The following KCNC2 variants were observed in gnomAD, a reference collection of about 807,000 sequenced individuals.
The protein encoded by KCNC2 is voltage-gated potassium channel KCNC2.
Under a neutral mutation model 44.5 loss-of-function variants are expected in KCNC2, and 21 were observed. The ratio of observed to expected loss-of-function variants is 0.47; its 90% CI spans 0.33 to 0.68. KCNC2 has a LOEUF of 0.68. Ranked by LOEUF, KCNC2 falls within the 30% of genes least tolerant of loss-of-function variation. The probability of loss-of-function intolerance (pLI) is 0.01; values close to 1 mark genes in which losing one functional copy is unlikely to be tolerated. For missense variants in KCNC2, 589 were observed against 826.2 expected (o/e 0.71, Z 3.52); for synonymous variants, 391 against 339.1 (o/e 1.15, Z -1.68).
At chr12:75,078,190 G>C (rs1229445659) in intron 2 of KCNC2, among the ~76,000 whole-genome samples, 2 of 152,144 alleles carry the variant, frequency 1.3e-5, no homozygotes, top group Non-Finnish European at 2.9e-5. Context: ...TAAGTGCAAA[G>C]AGAAGGTCCA....
intron 2 of KCNC2, among the ~76,000 whole-genome samples, chr12:75,079,320 T>C (rs760319379): frequency 8.5e-5 from 13 of 152,086 alleles, no homozygotes; most frequent in African/African-American, 1.2e-4. Flanking sequence ...TGACCTTCCA[T>C]AGGAGATGAA....
intron 2 of KCNC2, among the ~76,000 whole-genome samples, chr12:75,061,824 T>C (rs1332396235): frequency 1.3e-5 from 2 of 152,094 alleles, no homozygotes; most frequent in Admixed American, 1.3e-4. Flanking sequence ...CAAATTGTTT[T>C]TAACTAATTC....
rs1349256969 is a variant in KCNC2, at chr12:75,125,290, A to G, written c.688-73973T>C. On this transcript the variant is annotated intron_variant, in intron 2 of 4. Coordinates refer to ENST00000549446, the MANE Select transcript of KCNC2 (RefSeq NM_139137.4). ...ACAAGGGTGGATAATAAATAGATCA[A>G]AAAAGTATACAAAAGCACAAATACA... 2.7e-5 allele frequency among the ~76,000 whole-genome samples: 4 copies of G among 148,826 alleles called. No individual in the cohort carries two copies. The East Asian group carries it at 8.0e-4, about 30-fold the overall frequency.
chr12:75,177,057 T>TATATATATATATATATATATATAC (rs1491339880), intron 2 of KCNC2, among the ~76,000 whole-genome samples: 109 of 127,196 alleles, frequency 8.6e-4, no homozygotes, highest in African/African-American at 3.0e-3. Flanking sequence ...TATATATATA[T>TATATATATATATATATATATATAC]ACACACACAC....
chr12:75,143,867 G>T (rs924812124), intron 2 of KCNC2, among the ~76,000 whole-genome samples: 1 of 152,130 alleles, frequency 6.6e-6, no homozygotes, highest in African/African-American at 2.4e-5. Flanking sequence ...GTTTGGATGG[G>T]AGTTTTAATT....
In KCNC2 at chr12:75,086,660, CAAAAAAAAAAAAAAA is replaced by C. The variant is rs751242858; in HGVS notation, c.688-35358_688-35344del. Among the ~76,000 whole-genome samples, 27 of 117,000 alleles carry C rather than the reference CAAAAAAAAAAAAAAA, an allele frequency of 2.3e-4. 1 individual carries two copies. Among genetic ancestry groups the C allele is most frequent in the South Asian group, 5.7e-4 (2 of 3,494 alleles). The allele number at this position is 117,000 out of a possible 152,430, so 76.8% of individuals were successfully genotyped here. A position where few individuals can be genotyped will look rare whatever the true frequency, so the allele number is the denominator to read the frequency against. Reference sequence around the variant, plus strand: ...TCCCATAAAAAGCAAGTTCATTTGGCAAAAAAAAAAAAAAAAAAAAAATATATATATATATATATA... The same window carrying C: ...TCCCATAAAAAGCAAGTTCATTTGGCAAAAAAATATATATATATATATATA... On this transcript the variant is annotated intron_variant, in intron 2 of 4. Transcript: ENST00000549446.
chr12:75,182,436 T>C (rs1012448769), intron 2 of KCNC2, among the ~76,000 whole-genome samples: 2 of 143,618 alleles, frequency 1.4e-5, no homozygotes, highest in Middle Eastern at 3.9e-3. Context: ...GGCAGGAGAA[T>C]GGCGTGAACC....
intron 2 of KCNC2, among the ~76,000 whole-genome samples, chr12:75,075,800 G>C (rs573773494): frequency 2.8e-4 from 43 of 152,128 alleles, no homozygotes; most frequent in African/African-American, 9.4e-4. Flanking sequence ...AGAAGGTGTA[G>C]GATCTTTTCA....
rs528889179 is a variant in KCNC2, at chr12:75,070,195, T to C, written c.688-18878A>G. The stretch of plus-strand genomic sequence containing the variant: ...TTGTGATCCATATTTAGGTACAAGA[T>C]AGTCACTTTTTTGGGAAGCCGAGGC... On this transcript the variant is annotated intron_variant, in intron 2 of 4. Coordinates refer to ENST00000549446, the MANE Select transcript of KCNC2 (RefSeq NM_139137.4). Among the ~76,000 whole-genome samples, 19 of 152,244 alleles carry C rather than the reference T, an allele frequency of 1.2e-4. 1 individual carries two copies. In the South Asian group the frequency reaches 3.5e-3, roughly 28 times the overall value.
intron 4 of KCNC2, 149 bp from the exon 5 acceptor site, chr12:75,043,390 C>A: frequency 1.4e-6 from 2 of 1,393,048 alleles, no homozygotes; most frequent in Non-Finnish European, 9.3e-7. Flanking sequence ...ATTTATAACT[C>A]TAAAAAAATG....
At chr12:75,162,519 C>A (rs2137532353) in intron 2 of KCNC2, among the ~76,000 whole-genome samples, 1 of 151,844 alleles carries the variant, frequency 6.6e-6, no homozygotes, top group South Asian at 2.1e-4. Context: ...GTTCTTTCTT[C>A]TATTGCTGTC....
At chr12:75,150,987 T>G (rs1036737881) in intron 2 of KCNC2, among the ~76,000 whole-genome samples, 21 of 151,916 alleles carry the variant, frequency 1.4e-4, no homozygotes, top group Non-Finnish European at 2.5e-4. Context: ...TATGGTGGAT[T>G]ATATGCTCTA....
At chr12:75,122,706 T>C (rs915011157) in intron 2 of KCNC2, among the ~76,000 whole-genome samples, 1 of 152,124 alleles carries the variant, frequency 6.6e-6, no homozygotes, top group Non-Finnish European at 1.5e-5. Context: ...AGTACAAACA[T>C]GTTTTTGTTC....
chr12:75,203,775 CTT>C (rs1333524659), intron 2 of KCNC2, among the ~76,000 whole-genome samples: 2 of 151,890 alleles, frequency 1.3e-5, no homozygotes, highest in African/African-American at 4.8e-5. Context: ...GAAAGAGAAA[CTT>C]ATAACTGCTC....
rs560322875 is a variant in KCNC2, at chr12:75,126,165, T to G, written c.688-74848A>C. ...AAAGCAGTAAACAAATTTGTCTTTA[T>G]AGCATAACCTAGGGCGACATGAATT... On this transcript the variant is annotated intron_variant, in intron 2 of 4. Transcript: ENST00000549446. Among the ~76,000 whole-genome samples, 12 of 152,278 alleles carry G rather than the reference T, an allele frequency of 7.9e-5. 1 individual carries two copies. The highest frequency in any genetic ancestry group is 1.7e-4 in the African/African-American group (7 of 41,572).
intron 2 of KCNC2, among the ~76,000 whole-genome samples, chr12:75,181,915 C>CTTT (rs1892598380): frequency 1.4e-5 from 1 of 72,318 alleles, no homozygotes; most frequent in Non-Finnish European, 2.9e-5. Context: ...TTAATATCTT[C>CTTT]CTTTTTTTTT....
Position 75,050,733 on chromosome 12 carries a change from A to T in KCNC2, c.1272T>A (p.Ile424=). 1 of 1,613,474 alleles carries T rather than the reference A, an allele frequency of 6.2e-7. No homozygotes were observed. The highest frequency in any genetic ancestry group is 8.5e-7 in the Non-Finnish European group (1 of 1,179,838). The change falls in exon 3 of 5, where the codon ATT becomes ATA. Residue 424 remains isoleucine (I), a synonymous_variant. Transcript: ENST00000549446. ...CTACAGCCCACCAGAACCCAATGGG[A>T]ATGTTTTTGAACTGTGTGTGCTCAC... ...SASEHTQFKN[I]PIGFWWAVVT...
intron 2 of KCNC2, among the ~76,000 whole-genome samples, chr12:75,053,009 T>C (rs531742595): frequency 2.0e-5 from 3 of 152,110 alleles, no homozygotes; most frequent in Non-Finnish European, 4.4e-5. Flanking sequence ...CATTCTTTTG[T>C]CATTCAGTTT....
At chr12:75,142,967 G>T (rs1889761848) in intron 2 of KCNC2, among the ~76,000 whole-genome samples, 1 of 152,102 alleles carries the variant, frequency 6.6e-6, no homozygotes. Flanking sequence ...TACTTTAAAA[G>T]TTTCATGATT....
Sources: allele counts gnomAD v4.1 joint callset (sites outside exome capture counted in the v4.1 genomes callset), GRCh38; gene constraint gnomAD v4.1.1; transcripts MANE v1.5; gene names NCBI Gene and HGNC (gene_info 2026-07-23, HGNC 2026-07-21).